The following CYP2A6 variants were observed in gnomAD, a reference collection of about 807,000 sequenced individuals.
CYP2A6 encodes cytochrome P450 2A6.
A neutral mutation model predicts 42.3 loss-of-function variants in CYP2A6; 27 were observed. The observed-to-expected ratio is 0.64, with a 90% CI of 0.47 to 0.88. CYP2A6 has a LOEUF of 0.88. Among genes scored for constraint, CYP2A6 ranks in the 40% least tolerant of loss-of-function variants. The pLI is 0.00. For missense variants in CYP2A6, 628 were observed against 646.0 expected (o/e 0.97, Z 0.30); for synonymous variants, 238 against 246.3 (o/e 0.97, Z 0.31).
In CYP2A6 at chr19:40,845,980, G is replaced by A. The variant is rs367912859; in HGVS notation, c.949C>T (p.Leu317Phe). 2.5e-5 allele frequency: 40 copies of A among 1,611,152 alleles called. No individual in the cohort carries two copies. The highest frequency in any genetic ancestry group is 4.6e-5 in the East Asian group (2 of 43,332). The part of the protein sequence containing the change: ...STTLRYGFLL[L>F]MKHPEVEAKV... Reference sequence around the variant, plus strand: ...CCCTCCACCTCTGGGTGCTTCATGAGCAGCAAGAAGCCATAGCGCAGGGTG... The same window carrying A: ...CCCTCCACCTCTGGGTGCTTCATGAACAGCAAGAAGCCATAGCGCAGGGTG... Residue 317 changes from leucine to phenylalanine, a missense_variant, in exon 6 of 9, where the codon CTC becomes TTC. Physicochemically the swap from Leu to Phe is conservative, Grantham distance 22. This residue lies in a region of CYP2A6 where 606 missense variants were observed against 568.1 expected (regional missense o/e 1.07). Transcript: ENST00000301141.
chr19:40,849,135 G>C (rs2145126019), intron 2 of CYP2A6, among the ~76,000 whole-genome samples: 1 of 144,408 alleles, frequency 6.9e-6, no homozygotes, highest in South Asian at 2.3e-4. Context: ...AGAAAGGCCA[G>C]ACAGAGAGAT....
chr19:40,845,271 T>TG (rs2083450114), intron 7 of CYP2A6, 23 bp downstream of exon 7: 1 of 1,609,492 alleles, frequency 6.2e-7, no homozygotes. Flanking sequence ...CCCCGTAGTC[T>TG]GGGGGGTGGG....
Position 40,845,341 on chromosome 19 carries a change from G to A in CYP2A6, c.1114C>T (p.Arg372Cys), listed in dbSNP as rs776018244. The A allele has an allele frequency of 1.1e-5, 17 of 1,611,414 alleles. No individual in the cohort carries two copies. The highest frequency in any genetic ancestry group is 3.3e-5 in the Admixed American group (2 of 59,938). Reference protein sequence around the residue: ...FGDVIPMSLARRVKKDTKFRD... With the variant: ...FGDVIPMSLACRVKKDTKFRD... ...AACTTGGTGTCCTTTTTGACTCTGC[G>A]GGCCAAACTCATGGGGATCACGTCT... Residue 372 changes from arginine to cysteine, a missense_variant, in exon 7 of 9, where the codon CGC (arginine) becomes TGC (cysteine). By Grantham distance (180) the Arg-to-Cys change is radical. Transcript: ENST00000301141.
chr19:40,849,540 G>C (rs922526031), intron 2 of CYP2A6, among the ~76,000 whole-genome samples: 1 of 151,344 alleles, frequency 6.6e-6, no homozygotes, highest in Non-Finnish European at 1.5e-5. Context: ...AGAAACCCAG[G>C]ATGTCCTTAG....
chr19:40,845,664 C>T (rs1245381036), intron 6 of CYP2A6, among the ~76,000 whole-genome samples, 183 bp from the exon 7 acceptor site: 4 of 151,410 alleles, frequency 2.6e-5, no homozygotes, highest in African/African-American at 9.7e-5. Flanking sequence ...CCAGGTTGTG[C>T]CAGAATCACA....
chr19:40,849,045 G>GA (rs1235580651), intron 2 of CYP2A6, among the ~76,000 whole-genome samples: 4,747 of 24,204 alleles, frequency 0.2, 1,596 homozygotes, highest in Non-Finnish European at 0.21. Context: ...AAGAGAGAGA[G>GA]GAGAGAGAGA....
intron 7 of CYP2A6, 78 bp from the exon 8 acceptor site, chr19:40,844,850 C>T: frequency 6.5e-7 from 1 of 1,530,336 alleles, no homozygotes; most frequent in Non-Finnish European, 8.8e-7. Flanking sequence ...GGAGGGGGAA[C>T]TAGTGTGCCC....
chr19:40,848,974 GA>G (rs1967157694), intron 2 of CYP2A6, among the ~76,000 whole-genome samples: 4 of 104,998 alleles, frequency 3.8e-5, no homozygotes, highest in Admixed American at 9.7e-5. Context: ...GAGAGAGAGA[GA>G]GAAGAGAGAG....
intron 2 of CYP2A6, among the ~76,000 whole-genome samples, chr19:40,848,998 GA>G (rs1967161590): frequency 3.5e-5 from 4 of 113,612 alleles, no homozygotes; most frequent in African/African-American, 1.2e-4. Context: ...GAGAGAGAGA[GA>G]GAGAGAGAGA....
At position 40,845,419 on chromosome 19, in the gene CYP2A6, G is replaced by A. The variant is rs141074424; in HGVS notation, c.1036C>T (p.Arg346Trp). ...GCCTCCATGTAGGGCATCTTGGCCC[G>A]GTCCTCAAACTTGGGCTGCCGGTTC... ...GKNRQPKFED[R>W]AKMPYMEAVI... The change falls in exon 7 of 9, where the codon CGG becomes TGG. Residue 346 changes from arginine to tryptophan, a missense_variant. This residue lies in a region of CYP2A6 where 606 missense variants were observed against 568.1 expected (regional missense o/e 1.07). Transcript: ENST00000301141. 53 of 1,611,688 alleles carry A rather than the reference G, an allele frequency of 3.3e-5. 1 individual carries two copies. In the African/African-American group the frequency reaches 4.0e-4, roughly 12 times the overall value.
chr19:40,848,556 G>A, intron 3 of CYP2A6, 58 bp downstream of exon 3: 1 of 1,596,346 alleles, frequency 6.3e-7, no homozygotes, highest in East Asian at 2.3e-5. Context: ...ACGCGCGCGG[G>A]TTCCTCGTCC....
At chr19:40,849,099 A>G (rs997931963) in intron 2 of CYP2A6, among the ~76,000 whole-genome samples, 1 of 140,164 alleles carries the variant, frequency 7.1e-6, no homozygotes, top group African/African-American at 2.7e-5. Flanking sequence ...ACCAGGTTTA[A>G]AGAATAAGAC....
At chr19:40,849,006 G>A (rs957587696) in intron 2 of CYP2A6, among the ~76,000 whole-genome samples, 1 of 84,854 alleles carries the variant, frequency 1.2e-5, no homozygotes, top group African/African-American at 4.4e-5. Context: ...GAGAGAGAGA[G>A]AGAGAAGAGA....
rs1568516055 is a variant in CYP2A6, at chr19:40,849,001, AGAGAGAGAGAAGAGAGAGAG to A, written c.344-258_344-239del. On this transcript the variant is annotated intron_variant, in intron 2 of 8. Transcript: ENST00000301141. ...GAAGAGAGAGAGGAGAGAGAGAGAGAGAGAGAGAGAAGAGAGAGAGGAGAGAGAGAGAGAAGAGAGAGAGG... is the reference window on the plus strand; with the variant it reads ...GAAGAGAGAGAGGAGAGAGAGAGAGAGAGAGAGAGAGAGAAGAGAGAGAGG... Among the ~76,000 whole-genome samples the A allele has an allele frequency of 2.6e-4, 29 of 112,062 alleles. 1 individual carries two copies. Among genetic ancestry groups the A allele is most frequent in the African/African-American group, 9.1e-4 (23 of 25,286 alleles). The allele number at this position is 112,062 out of a possible 152,430, so 73.5% of individuals were successfully genotyped here. A position where few individuals can be genotyped will look rare whatever the true frequency, so the allele number is the denominator to read the frequency against.
At position 40,845,354 on chromosome 19, in the gene CYP2A6, G is replaced by A. The variant is rs1239010923; in HGVS notation, c.1101C>T (p.Pro367=). ...TTTTGACTCTGCGGGCCAAACTCAT[G>A]GGGATCACGTCTCCAAATCTTTGGA... The part of the protein sequence containing the change: ...HEIQRFGDVI[P]MSLARRVKKD... Residue 367 remains proline (P), a synonymous_variant, in exon 7 of 9, where the codon CCC becomes CCT. Coordinates refer to ENST00000301141, the MANE Select transcript of CYP2A6 (RefSeq NM_000762.6). 1.2e-6 allele frequency: 2 copies of A among 1,611,640 alleles called. No individual in the cohort carries two copies. The highest frequency in any genetic ancestry group is 1.7e-5 in the Admixed American group (1 of 59,970).
At chr19:40,847,991 G>A (rs1352613251) in intron 4 of CYP2A6, among the ~76,000 whole-genome samples, 1 of 151,820 alleles carries the variant, frequency 6.6e-6, no homozygotes, top group Admixed American at 6.5e-5. Context: ...CCTGCCAGCA[G>A]GCTCTGTTTT....
chr19:40,845,744 A>G (rs1358388123), intron 6 of CYP2A6, among the ~76,000 whole-genome samples: 1 of 151,382 alleles, frequency 6.6e-6, no homozygotes, highest in Non-Finnish European at 1.5e-5. Context: ...TGGGCTTGGG[A>G]CAGAAGTGAC....
rs762603502 is a variant in CYP2A6, at chr19:40,850,231, C to G, written c.180+16G>C. 1.2e-6 allele frequency: 2 copies of G among 1,602,234 alleles called. No individual in the cohort carries two copies. Among genetic ancestry groups the G allele is most frequent in the Non-Finnish European group, 8.5e-7 (1 of 1,173,838 alleles). Reference sequence around the variant, plus strand: ...AGCCCCCACCCCGTGCCACCCATCTCCCTGCCTTGGGACACCTTCATGAGG... The same window carrying G: ...AGCCCCCACCCCGTGCCACCCATCTGCCTGCCTTGGGACACCTTCATGAGG... On this transcript the variant is annotated intron_variant, in intron 1 of 8. Transcript: ENST00000301141.
intron 4 of CYP2A6, among the ~76,000 whole-genome samples, chr19:40,847,852 T>G (rs1450235340): frequency 6.6e-6 from 1 of 151,616 alleles, no homozygotes; most frequent in Non-Finnish European, 1.5e-5. Context: ...AGGAGGCCGG[T>G]TGACGCAGTC....
Sources: allele counts gnomAD v4.1 joint callset (sites outside exome capture counted in the v4.1 genomes callset), GRCh38; gene constraint gnomAD v4.1.1; regional missense constraint gnomAD v4.1.1; transcripts MANE v1.5; gene names NCBI Gene and HGNC (gene_info 2026-07-23, HGNC 2026-07-21).